The following C9orf85 variants were observed in gnomAD, a reference collection of about 807,000 sequenced individuals.
C9orf85 encodes chromosome 9 open reading frame 85, also known as uncharacterized protein C9orf85.
In C9orf85, 16 loss-of-function variants were observed where a neutral mutation model predicts 14.9. The observed-to-expected ratio is 1.08, with a 90% CI of 0.73 to 1.63. The LOEUF is 1.63. Ranked by LOEUF, C9orf85 falls within the 40% of genes most tolerant of loss-of-function variation. The probability of loss-of-function intolerance (pLI) is 0.00; values close to 1 mark genes in which losing one functional copy is unlikely to be tolerated. For missense variants in C9orf85, 172 were observed against 186.1 expected, an observed-to-expected ratio of 0.92 and a Z score of 0.44; for synonymous variants, 45 against 56.8, an observed-to-expected ratio of 0.79 and a Z score of 0.93.
At chr9:71,954,182 C>G (rs1269351917) in intron 2 of C9orf85, among the ~76,000 whole-genome samples, 1 of 148,952 alleles carries the variant, frequency 6.7e-6, no homozygotes, top group East Asian at 2.0e-4. Flanking sequence ...GGGTGGGACT[C>G]TAGCAGCAGG....
chr9:71,923,227 T>G (rs936175072), intron 1 of C9orf85, among the ~76,000 whole-genome samples: 5 of 152,204 alleles, frequency 3.3e-5, no homozygotes, highest in Non-Finnish European at 7.4e-5. Flanking sequence ...TTCTACTTTT[T>G]ACTGTACTTC....
intron 1 of C9orf85, among the ~76,000 whole-genome samples, chr9:71,921,925 T>TA (rs1488058699): frequency 0.013 from 113 of 8,882 alleles, no homozygotes; most frequent in African/African-American, 0.022. Flanking sequence ...TTTTTATTTT[T>TA]TTTTTATTAT....
chr9:71,955,209 G>A (rs941620540), intron 2 of C9orf85, among the ~76,000 whole-genome samples: 2 of 152,068 alleles, frequency 1.3e-5, no homozygotes, highest in African/African-American at 4.8e-5. Context: ...TCTATCAATT[G>A]GCATTCATTA....
intron 1 of C9orf85, among the ~76,000 whole-genome samples, chr9:71,913,734 A>G (rs573908528): frequency 6.0e-5 from 9 of 150,352 alleles, no homozygotes; most frequent in African/African-American, 2.2e-4. Flanking sequence ...AGCAGTTTTA[A>G]TGAGTATTTA....
intron 1 of C9orf85, among the ~76,000 whole-genome samples, chr9:71,929,559 T>C (rs73474113): frequency 0.013 from 1,927 of 152,250 alleles, 38 homozygotes; most frequent in African/African-American, 0.044. Context: ...GAAAACTATA[T>C]CCTCCTCTCT....
At chr9:71,976,400 T>C (rs961830787), downstream of C9orf85, among the ~76,000 whole-genome samples, 20 of 152,304 alleles carry the variant, frequency 1.3e-4, no homozygotes, top group East Asian at 3.1e-3. Context: ...CGGTGGCTCA[T>C]GCCTGTAATC....
chr9:71,943,134 A>ACCTT (rs1821983347), intron 1 of C9orf85, among the ~76,000 whole-genome samples: 3 of 152,292 alleles, frequency 2.0e-5, no homozygotes, highest in Admixed American at 2.0e-4. Context: ...GGCATAAAAT[A>ACCTT]CCTTATTTTA....
chr9:71,956,492 G>A (rs1416236936), intron 2 of C9orf85, among the ~76,000 whole-genome samples: 1 of 92,240 alleles, frequency 1.1e-5, no homozygotes, highest in East Asian at 4.1e-4. Context: ...CAGGTGATCT[G>A]CCCGCCTCAG....
At chr9:71,966,305 T>C (rs568680501) in intron 2 of C9orf85, among the ~76,000 whole-genome samples, 5 of 152,136 alleles carry the variant, frequency 3.3e-5, no homozygotes, top group Non-Finnish European at 5.9e-5. Flanking sequence ...TTAAATGTAA[T>C]TCAGCTGAAT....
chr9:71,967,830 G>A (rs1302306611), intron 2 of C9orf85, among the ~76,000 whole-genome samples: 1 of 151,028 alleles, frequency 6.6e-6, no homozygotes, highest in Non-Finnish European at 1.5e-5. Flanking sequence ...TACAGGGAAG[G>A]TATTCAGTCT....
At chr9:71,962,204 A>G (rs903479037) in intron 2 of C9orf85, among the ~76,000 whole-genome samples, 1 of 152,180 alleles carries the variant, frequency 6.6e-6, no homozygotes, top group Non-Finnish European at 1.5e-5. Context: ...CTACTTGTCT[A>G]CTGCATTAAG....
intron 1 of C9orf85, among the ~76,000 whole-genome samples, chr9:71,928,300 AG>A (rs1189512570): frequency 1.3e-5 from 2 of 151,912 alleles, no homozygotes; most frequent in Non-Finnish European, 2.9e-5. Context: ...TTTTTCTAAA[AG>A]CTCACTTTGA....
chr9:71,941,715 A>T (rs1254153817), intron 1 of C9orf85: 3 of 152,230 alleles, frequency 2.0e-5, no homozygotes, highest in Admixed American at 2.0e-4. Context: ...AGGAAAAAAC[A>T]GCTCTGAAAG....
intron 1 of C9orf85, among the ~76,000 whole-genome samples, chr9:71,941,439 A>G (rs924046485): frequency 1.3e-5 from 2 of 152,248 alleles, no homozygotes. Flanking sequence ...CAGTAGCAGC[A>G]TCACCTATGA....
intron 1 of C9orf85, among the ~76,000 whole-genome samples, chr9:71,929,627 G>A (rs577646606): frequency 3.7e-4 from 56 of 151,986 alleles, no homozygotes; most frequent in African/African-American, 1.3e-3. Context: ...TTCCAACTTC[G>A]AAATTTTGTG....
chr9:71,974,919 G>C (rs1186402507), downstream of C9orf85, among the ~76,000 whole-genome samples: 1 of 151,894 alleles, frequency 6.6e-6, no homozygotes, highest in Non-Finnish European at 1.5e-5. Flanking sequence ...GTGTTTATTG[G>C]CTATTTCACT....
exon 4 of C9orf85, chr9:71,982,887 A>C (rs1017069785): frequency 2.4e-5 from 6 of 249,890 alleles, no homozygotes; most frequent in African/African-American, 1.5e-4. Flanking sequence ...GCCTGCCTCA[A>C]CCTCCCAAAG....
intron 2 of C9orf85, among the ~76,000 whole-genome samples, chr9:71,965,742 A>ATT (rs1465733033): frequency 6.6e-6 from 1 of 152,144 alleles, no homozygotes; most frequent in Non-Finnish European, 1.5e-5. Context: ...CAATAGTAGT[A>ATT]TTTTTAAGAA....
At chr9:71,975,760 AG>A (rs1822986978), downstream of C9orf85, among the ~76,000 whole-genome samples, 1 of 152,222 alleles carries the variant, frequency 6.6e-6, no homozygotes, top group Admixed American at 6.5e-5. Context: ...TCAACCCAAG[AG>A]GCAGAGGTTG....
Sources: allele counts gnomAD v4.1 joint callset (sites outside exome capture counted in the v4.1 genomes callset), GRCh38; gene constraint gnomAD v4.1.1; transcripts MANE v1.5; gene names NCBI Gene and HGNC (gene_info 2026-07-23, HGNC 2026-07-21).